THADA: variants seen among roughly 807,000 people sequenced by gnomAD.
THADA encodes tRNA (32-2'-O)-methyltransferase regulator THADA.
Under a neutral mutation model 219.8 loss-of-function variants are expected in THADA, and 213 were observed. The observed-to-expected ratio is 0.97, with a 90% CI of 0.87 to 1.09. The LOEUF is 1.09. Ranked by LOEUF, THADA falls within the 50% of genes least tolerant of loss-of-function variation. THADA has a pLI of 0.00. For missense variants in THADA, 2,956 were observed against 2,311.3 expected (o/e 1.28, Z -5.72); for synonymous variants, 1,018 against 828.9 (o/e 1.23, Z -3.92).
chr2:43,402,255 G>A (rs149343743), intron 28 of THADA, among the ~76,000 whole-genome samples: 90 of 152,292 alleles, frequency 5.9e-4, no homozygotes, highest in African/African-American at 2.1e-3. Flanking sequence ...TATACAGCCT[G>A]CTCATCACAA....
intron 26 of THADA, among the ~76,000 whole-genome samples, chr2:43,464,437 T>C (rs1683998939): frequency 6.6e-6 from 1 of 152,220 alleles, no homozygotes; most frequent in Non-Finnish European, 1.5e-5. Flanking sequence ...GCCAAATAAA[T>C]GCTTATGAAG....
chr2:43,503,698 T>C (rs1487049945), intron 24 of THADA, among the ~76,000 whole-genome samples: 1 of 151,990 alleles, frequency 6.6e-6, no homozygotes, highest in Non-Finnish European at 1.5e-5. Context: ...AATAAAGAAA[T>C]GAACCCTGGG....
chr2:43,273,524 C>A (rs988840940), intron 36 of THADA, among the ~76,000 whole-genome samples: 4 of 152,132 alleles, frequency 2.6e-5, no homozygotes, highest in African/African-American at 9.7e-5. Flanking sequence ...TAGGAAAGAG[C>A]CTACTGGAAG....
intron 36 of THADA, among the ~76,000 whole-genome samples, chr2:43,237,752 A>G (rs1668198296): frequency 1.3e-5 from 2 of 152,060 alleles, no homozygotes; most frequent in Non-Finnish European, 2.9e-5. Flanking sequence ...ATAGAAGTAA[A>G]TCTGTATGAC....
chr2:43,244,365 G>GA (rs1558458299), intron 36 of THADA, among the ~76,000 whole-genome samples: 1 of 152,180 alleles, frequency 6.6e-6, no homozygotes, highest in Non-Finnish European at 1.5e-5. Flanking sequence ...ATTGCTCTCA[G>GA]AAAATACCAT....
At chr2:43,410,518 C>T (rs979660974) in intron 28 of THADA, among the ~76,000 whole-genome samples, 1 of 152,170 alleles carries the variant, frequency 6.6e-6, no homozygotes, top group African/African-American at 2.4e-5. Context: ...AAACAAATTG[C>T]AGTATATCCA....
chr2:43,352,648 G>T (rs1014655063), intron 29 of THADA, among the ~76,000 whole-genome samples: 3 of 151,902 alleles, frequency 2.0e-5, no homozygotes, highest in Non-Finnish European at 4.4e-5. Flanking sequence ...TATATTTAAG[G>T]TATAGAACAT....
chr2:43,336,052 A>G (rs1263652668), intron 30 of THADA, among the ~76,000 whole-genome samples: 4 of 151,528 alleles, frequency 2.6e-5, no homozygotes, highest in Non-Finnish European at 2.9e-5. Flanking sequence ...AGCTGAGATC[A>G]TGCCACTGCA....
chr2:43,237,879 A>T (rs1668209431), intron 36 of THADA, among the ~76,000 whole-genome samples: 1 of 150,618 alleles, frequency 6.6e-6, no homozygotes, highest in South Asian at 2.1e-4. Context: ...GCACTTTGGG[A>T]GGCTGAGGTG....
intron 28 of THADA, among the ~76,000 whole-genome samples, chr2:43,416,583 T>TC (rs1167109691): frequency 1.3e-5 from 2 of 152,156 alleles, no homozygotes; most frequent in African/African-American, 4.8e-5. Flanking sequence ...ATGTGGCATC[T>TC]CTTGGGGGCT....
chr2:43,516,559 T>C (rs1454302485), intron 22 of THADA, among the ~76,000 whole-genome samples: 2 of 152,174 alleles, frequency 1.3e-5, no homozygotes, highest in Non-Finnish European at 2.9e-5. Context: ...CTATACCTTC[T>C]AGTACATGCA....
intron 36 of THADA, among the ~76,000 whole-genome samples, chr2:43,253,441 C>T (rs192617971): frequency 5.9e-5 from 9 of 152,314 alleles, no homozygotes; most frequent in Admixed American, 3.3e-4. Context: ...CCTCCCACTA[C>T]TGAACCTTCT....
chr2:43,239,245 G>A (rs889450731), intron 36 of THADA, among the ~76,000 whole-genome samples: 2 of 152,170 alleles, frequency 1.3e-5, no homozygotes, highest in African/African-American at 2.4e-5. Flanking sequence ...TCTTGCTACT[G>A]CCCCAGCCAC....
At chr2:43,381,582 T>C (rs1184536615) in intron 29 of THADA, among the ~76,000 whole-genome samples, 3 of 151,058 alleles carry the variant, frequency 2.0e-5, no homozygotes, top group African/African-American at 4.9e-5. Flanking sequence ...CAGTGATAAG[T>C]CTTTTTTTTT....
intron 29 of THADA, among the ~76,000 whole-genome samples, chr2:43,379,417 C>T (rs1311208695): frequency 1.3e-5 from 2 of 152,102 alleles, no homozygotes; most frequent in African/African-American, 4.8e-5. Flanking sequence ...AGTTCAATGA[C>T]ATCAGGAATC....
chr2:43,420,623 T>C (rs1188685882), intron 28 of THADA, among the ~76,000 whole-genome samples: 1 of 152,232 alleles, frequency 6.6e-6, no homozygotes, highest in South Asian at 2.1e-4. Flanking sequence ...TTTTCTAGTT[T>C]GCTTTGTCAA....
chr2:43,466,480 T>C (rs897624934), intron 26 of THADA, among the ~76,000 whole-genome samples: 1 of 152,120 alleles, frequency 6.6e-6, no homozygotes. Context: ...CATACCTCTA[T>C]ATGAGAATAT....
At chr2:43,528,965 AC>A (rs1558917059) in intron 21 of THADA, among the ~76,000 whole-genome samples, 1 of 152,134 alleles carries the variant, frequency 6.6e-6, no homozygotes, top group Admixed American at 6.5e-5. Flanking sequence ...TTAAAAAATA[AC>A]CCGTATTACC....
intron 29 of THADA, among the ~76,000 whole-genome samples, chr2:43,368,465 T>C (rs563278515): frequency 2.0e-5 from 3 of 152,226 alleles, no homozygotes; most frequent in East Asian, 3.9e-4. Flanking sequence ...GGTGTGATCA[T>C]AGCTCACTGC....
Sources: gnomAD v4.1 joint callset for allele counts (sites outside exome capture counted in the v4.1 genomes callset) on GRCh38, gnomAD v4.1.1 for gene constraint, MANE v1.5 for transcripts, NCBI Gene and HGNC (gene_info 2026-07-23, HGNC 2026-07-21) for gene names.